The following RELN variants were observed in gnomAD, a reference collection of about 807,000 sequenced individuals.
RELN encodes the protein reelin.
In RELN, 108 loss-of-function variants were observed where a neutral mutation model predicts 427.6. The observed-to-expected ratio is 0.25, with a 90% CI of 0.22 to 0.30. The LOEUF (loss-of-function observed/expected upper bound fraction) is 0.30. Ranked by LOEUF, RELN falls within the 10% of genes least tolerant of loss-of-function variation. The pLI, the probability that RELN is intolerant of heterozygous loss-of-function variation, is 1.00. For missense variants in RELN, 3,715 were observed against 4,302.8 expected, an observed-to-expected ratio of 0.86 and a Z score of 3.82; for synonymous variants, 1,524 against 1,513.4, an observed-to-expected ratio of 1.01 and a Z score of -0.16.
intron 16 of RELN, among the ~76,000 whole-genome samples, chr7:103,646,921 G>A (rs1378438348): frequency 6.6e-6 from 1 of 151,818 alleles, no homozygotes; most frequent in Non-Finnish European, 1.5e-5. Context: ...ACATGATCAA[G>A]TGGGTTTCAT....
chr7:103,479,236 A>G (rs1828143600), intron 63 of RELN, among the ~76,000 whole-genome samples: 1 of 152,214 alleles, frequency 6.6e-6, no homozygotes, highest in Non-Finnish European at 1.5e-5. Context: ...GGTTAAGACA[A>G]CAAATTCTCT....
chr7:103,539,497 C>A (rs1018515314), intron 44 of RELN, 170 bp from the exon 45 acceptor site: 3 of 658,370 alleles, frequency 4.6e-6, no homozygotes, highest in Non-Finnish European at 7.8e-6. Context: ...TTGTTTATGT[C>A]TGCTTGCCCA....
intron 1 of RELN, among the ~76,000 whole-genome samples, chr7:103,976,297 GA>G (rs1166886372): frequency 6.6e-6 from 1 of 152,230 alleles, no homozygotes; most frequent in Non-Finnish European, 1.5e-5. Context: ...GCAAATGGGG[GA>G]AATATACGAT....
At chr7:103,597,899 G>C (rs1157783140) in intron 24 of RELN, among the ~76,000 whole-genome samples, 1 of 152,198 alleles carries the variant, frequency 6.6e-6, no homozygotes, top group Non-Finnish European at 1.5e-5. Context: ...AGAAAGGTTT[G>C]CTTATGAAAG....
rs188283940 is a variant in RELN at position 103,603,202 on chromosome 7, G to T, written c.3333+102C>A. ...TAGAGCCCACTCAAAAGCGGGGAAC[G>T]TGGGGAACAATAGAACCACTTCATA... is the stretch of plus-strand genomic sequence containing the variant. On this transcript the variant is annotated intron_variant, in intron 24 of 64. Transcript: ENST00000428762. The surrounding 1 kb of genome is among the most constrained non-coding windows in gnomAD (Gnocchi z 4.3). 2 of 970,552 alleles carry T rather than the reference G, an allele frequency of 2.1e-6. No homozygotes were observed. The highest frequency in any genetic ancestry group is 3.3e-6 in the Non-Finnish European group (2 of 597,944). The allele number at this position is 970,552 out of a possible 1,614,324, so 60.1% of individuals were successfully genotyped here.
chr7:103,689,427 C>T (rs183509554), intron 10 of RELN, among the ~76,000 whole-genome samples: 7 of 152,184 alleles, frequency 4.6e-5, no homozygotes, highest in South Asian at 2.1e-4. Flanking sequence ...AGGGTAACCA[C>T]GATAGCTGAG....
intron 3 of RELN, among the ~76,000 whole-genome samples, chr7:103,779,523 T>C (rs1450313619): frequency 2.6e-5 from 4 of 152,304 alleles, no homozygotes; most frequent in East Asian, 1.9e-4. Context: ...CTTATCCATT[T>C]TTCCTCGGAC....
At chr7:103,914,303 ACTGACAAATGACAGTTTGTCAGTT>A (rs368588634) in intron 2 of RELN, among the ~76,000 whole-genome samples, 25 of 152,198 alleles carry the variant, frequency 1.6e-4, no homozygotes, top group Non-Finnish European at 2.6e-4. Flanking sequence ...ATGTAAAGGA[ACTGACAAATGACAGTTTGTCAGTT>A]CTGACAAACT....
At chr7:103,803,341 C>G (rs757266002) in intron 3 of RELN, among the ~76,000 whole-genome samples, 5 of 152,100 alleles carry the variant, frequency 3.3e-5, no homozygotes, top group Non-Finnish European at 7.4e-5. Context: ...TACATCTTAA[C>G]TCTTAATTCA....
chr7:103,899,528 A>T (rs914026050), intron 2 of RELN, among the ~76,000 whole-genome samples: 1 of 152,182 alleles, frequency 6.6e-6, no homozygotes, highest in Non-Finnish European at 1.5e-5. Flanking sequence ...ATGAACATCA[A>T]TGCGAAAATC....
chr7:103,838,821 C>T (rs1793478873), intron 2 of RELN, among the ~76,000 whole-genome samples: 1 of 152,176 alleles, frequency 6.6e-6, no homozygotes, highest in Admixed American at 6.5e-5. Flanking sequence ...ATGTCTAGGC[C>T]ACATATTACT....
At chr7:103,878,136 C>A (rs1027162125) in intron 2 of RELN, among the ~76,000 whole-genome samples, 2 of 152,114 alleles carry the variant, frequency 1.3e-5, no homozygotes, top group Admixed American at 1.3e-4. Flanking sequence ...GGATTACAGG[C>A]GTGAGCAACT....
chr7:103,551,185 T>G lies in RELN; in HGVS notation c.6184A>C (p.Ser2062Arg), dbSNP rs767854699. 1 of 1,614,148 alleles carries G rather than the reference T, an allele frequency of 6.2e-7. No homozygotes were observed. Among genetic ancestry groups the G allele is most frequent in the East Asian group, 2.2e-5 (1 of 44,870 alleles). Reference sequence around the variant, plus strand: ...GAGCATAAAGAGCTGACGTGGCTGCTGCTGTGGTAGCAGAGGGGCAGCAGA... The same window carrying G: ...GAGCATAAAGAGCTGACGTGGCTGCGGCTGTGGTAGCAGAGGGGCAGCAGA... ...HLLLPLCYHS[S>R]SHVSSLCSTE... Residue 2062 changes from serine to arginine, a missense_variant, in exon 41 of 65, where the codon AGC (serine) becomes CGC (arginine). Physicochemically the swap from Ser to Arg is moderately radical, Grantham distance 110. Coordinates refer to ENST00000428762, the MANE Select transcript of RELN (RefSeq NM_005045.4).
At chr7:103,517,177 C>T (rs966377091) in intron 49 of RELN, among the ~76,000 whole-genome samples, 17 of 144,298 alleles carry the variant, frequency 1.2e-4, no homozygotes, top group African/African-American at 4.1e-4. Flanking sequence ...TTCCCTGCAC[C>T]TTTTTTTTTT....
intron 3 of RELN, among the ~76,000 whole-genome samples, chr7:103,831,796 T>A (rs1304529539): frequency 1.3e-5 from 2 of 152,090 alleles, no homozygotes; most frequent in Non-Finnish European, 2.9e-5. Context: ...TATCAAAGGT[T>A]TGGTCTTCAG....
chr7:103,581,774 T>C (rs1831155802), intron 28 of RELN, among the ~76,000 whole-genome samples: 1 of 151,984 alleles, frequency 6.6e-6, no homozygotes, highest in South Asian at 2.1e-4. Flanking sequence ...TTACTTTTCC[T>C]CTCTTGGAAT....
chr7:103,596,830 A>G (rs1407556715), intron 24 of RELN, among the ~76,000 whole-genome samples, 169 bp from the exon 25 acceptor site: 1 of 152,194 alleles, frequency 6.6e-6, no homozygotes, highest in Admixed American at 6.5e-5. Flanking sequence ...TGATCCGACT[A>G]CGGTAACTGT....
At chr7:103,980,697 T>A (rs974076036) in intron 1 of RELN, among the ~76,000 whole-genome samples, 1 of 152,236 alleles carries the variant, frequency 6.6e-6, no homozygotes, top group Non-Finnish European at 1.5e-5. Context: ...ATTACATGAA[T>A]TAATATGTGT....
At chr7:103,907,415 GAAAAAAAAAA>G (rs941182837) in intron 2 of RELN, among the ~76,000 whole-genome samples, 15 of 44,080 alleles carry the variant, frequency 3.4e-4, no homozygotes, top group East Asian at 1.6e-3. Context: ...CAAGGCTCTG[GAAAAAAAAAA>G]AAAAAAAAAA....
Sources: allele counts gnomAD v4.1 joint callset (sites outside exome capture counted in the v4.1 genomes callset), GRCh38; gene constraint gnomAD v4.1.1; non-coding constraint Gnocchi (gnomAD v3.1); transcripts MANE v1.5; gene names NCBI Gene and HGNC (gene_info 2026-07-23, HGNC 2026-07-21).